The following IGF2BP2 variants were observed in gnomAD, a reference collection of about 807,000 sequenced individuals.
IGF2BP2 encodes the protein insulin-like growth factor 2 mRNA-binding protein 2.
IGF2BP2 carries 17 observed loss-of-function variants against 75.8 expected under a neutral mutation model. The ratio of observed to expected loss-of-function variants is 0.22; its 90% CI spans 0.15 to 0.34. The LOEUF is 0.34. Among genes scored for constraint, IGF2BP2 ranks in the 10% least tolerant of loss-of-function variants. The pLI is 1.00. For missense variants in IGF2BP2, 516 were observed against 772.4 expected (o/e 0.67, Z 3.93); for synonymous variants, 288 against 295.6 (o/e 0.97, Z 0.26).
Position 185,672,644 on chromosome 3 carries a change from A to T in IGF2BP2, c.1097T>A (p.Leu366Ter), listed in dbSNP as rs745603997. The T allele has an allele frequency of 1.9e-6, 3 of 1,614,154 alleles. No individual in the cohort carries two copies. In the South Asian group the frequency reaches 3.3e-5, roughly 18 times the overall value. Residue 366 changes from leucine (L) to a stop codon, truncating the protein, a stop_gained, in exon 10 of 16, where the codon TTG (leucine) becomes TAG (stop). Coordinates refer to ENST00000382199, the MANE Select transcript of IGF2BP2 (RefSeq NM_006548.6). LOFTEE classifies it high-confidence loss of function. ...AAAGATGCCAAGTGCGCTGAGGTTC[A>T]ACCCTGGGATCAGATTGGCTTGTTG... ...VNQQANLIPG[L>*]NLSALGIFST...
intron 7 of IGF2BP2, among the ~76,000 whole-genome samples, chr3:185,681,015 C>T (rs577225370): frequency 2.6e-4 from 39 of 152,286 alleles, no homozygotes; most frequent in Non-Finnish European, 5.4e-4. Context: ...AAGGCTTTTC[C>T]TCTAAGACCA....
In IGF2BP2 at chr3:185,813,723, AGT is replaced by A. The variant is rs1578397825; in HGVS notation, c.239+9428_239+9429del. On this transcript the variant is annotated intron_variant, in intron 2 of 15. Coordinates refer to ENST00000382199, the MANE Select transcript of IGF2BP2 (RefSeq NM_006548.6). ...ATGTGTCTGCTGCACATTCCAAGTA[AGT>A]GTATGCCACAGAACCCATACATTCC... Among the ~76,000 whole-genome samples the A allele has an allele frequency of 2.6e-5, 4 of 152,324 alleles. No individual in the cohort carries two copies. The East Asian group carries it at 7.7e-4, about 29-fold the overall frequency.
At chr3:185,648,829 T>C (rs949900888) in intron 14 of IGF2BP2, among the ~76,000 whole-genome samples, 2 of 152,144 alleles carry the variant, frequency 1.3e-5, no homozygotes, top group South Asian at 2.1e-4. Context: ...ACCCTCCTAC[T>C]GCTAAACTAG....
At position 185,689,470 on chromosome 3, in the gene IGF2BP2, G is replaced by C. The variant is rs752659015; in HGVS notation, c.562C>G (p.Gln188Glu). The change falls in exon 6 of 16, where the codon CAG becomes GAG. Residue 188 changes from glutamine to glutamate, a missense_variant. Transcript: ENST00000382199. ...AGCGGGAAATCAATCTGTCTGGCCT[G>C]AGAAGTGCCCCCAGGGGCGTGGCCT... is the stretch of plus-strand genomic sequence containing the variant. ...EQGHAPGGTS[Q>E]ARQIDFPLRI... 6.2e-7 allele frequency: 1 copy of C among 1,613,864 alleles called. No homozygotes were observed. Among genetic ancestry groups the C allele is most frequent in the Non-Finnish European group, 8.5e-7 (1 of 1,179,884 alleles).
rs527727203 is a variant in IGF2BP2 at position 185,707,097 on chromosome 3, C to T, written c.240-8750G>A. 7.9e-5 allele frequency among the ~76,000 whole-genome samples: 12 copies of T among 151,730 alleles called. No homozygotes were observed. In the South Asian group the frequency reaches 1.0e-3, roughly 13 times the overall value. On this transcript the variant is annotated intron_variant, in intron 2 of 15. Transcript: ENST00000382199. ...TCACTTAGTCAGATGTGGTGGCACACGCCTGTAATCCCAGTTACTCGAGAG... is the reference window on the plus strand; with the variant it reads ...TCACTTAGTCAGATGTGGTGGCACATGCCTGTAATCCCAGTTACTCGAGAG...
Position 185,699,797 on chromosome 3 carries a change from T to A in IGF2BP2, c.240-1450A>T, listed in dbSNP as rs531913721. On this transcript the variant is annotated intron_variant, in intron 2 of 15. Transcript: ENST00000382199. ...CCTGAAGTATATTTAATCCATCCCC[T>A]ACTAATGGACATTTGGGCCTTTTCA... Among the ~76,000 whole-genome samples, 3 of 152,334 alleles carry A rather than the reference T, an allele frequency of 2.0e-5. No homozygotes were observed. In the East Asian group the frequency reaches 5.8e-4, roughly 29 times the overall value.
chr3:185,721,012 C>T (rs895844691), intron 2 of IGF2BP2, among the ~76,000 whole-genome samples: 2 of 152,170 alleles, frequency 1.3e-5, no homozygotes, highest in Non-Finnish European at 2.9e-5. Flanking sequence ...CACACGCTTG[C>T]ACACATGTGA....
chr3:185,773,474 T>C (rs1257646914), intron 2 of IGF2BP2, among the ~76,000 whole-genome samples: 2 of 152,236 alleles, frequency 1.3e-5, no homozygotes, highest in Non-Finnish European at 2.9e-5. Context: ...GAATAGATAA[T>C]TTTTAGAAGT....
chr3:185,733,484 C>T (rs1728450652), intron 2 of IGF2BP2, among the ~76,000 whole-genome samples: 3 of 152,178 alleles, frequency 2.0e-5, no homozygotes, highest in Admixed American at 6.5e-5. Context: ...AGACTGGGCG[C>T]GGTGGCTCAC....
chr3:185,758,667 G>A (rs958473747), intron 2 of IGF2BP2, among the ~76,000 whole-genome samples: 1 of 152,176 alleles, frequency 6.6e-6, no homozygotes, highest in African/African-American at 2.4e-5. Context: ...GACCTTTCGG[G>A]AGAGAGAAAA....
At chr3:185,811,861 T>A (rs1029175271) in intron 2 of IGF2BP2, among the ~76,000 whole-genome samples, 2 of 135,534 alleles carry the variant, frequency 1.5e-5, no homozygotes, top group East Asian at 4.0e-4. Flanking sequence ...TCTCTCTCTC[T>A]CTCTCTCTCT....
intron 2 of IGF2BP2, among the ~76,000 whole-genome samples, chr3:185,718,495 G>A (rs1476893882): frequency 6.6e-6 from 1 of 151,934 alleles, no homozygotes; most frequent in Non-Finnish European, 1.5e-5. Flanking sequence ...AGACCATCGT[G>A]GCTAACATAG....
At chr3:185,725,503 A>C (rs1442758439) in intron 2 of IGF2BP2, among the ~76,000 whole-genome samples, 1 of 152,132 alleles carries the variant, frequency 6.6e-6, no homozygotes, top group Non-Finnish European at 1.5e-5. Flanking sequence ...TTCAAATGAC[A>C]CCAAGGTTTG....
At chr3:185,734,905 C>A (rs1488396904) in intron 2 of IGF2BP2, among the ~76,000 whole-genome samples, 1 of 152,134 alleles carries the variant, frequency 6.6e-6, no homozygotes, top group Non-Finnish European at 1.5e-5. Flanking sequence ...CTCCGACGTG[C>A]CTCAATCTCC....
At chr3:185,762,599 A>G (rs1245651666) in intron 2 of IGF2BP2, among the ~76,000 whole-genome samples, 1 of 151,880 alleles carries the variant, frequency 6.6e-6, no homozygotes, top group Admixed American at 6.6e-5. Flanking sequence ...TGTTTGAGAG[A>G]CAGTGTGTTT....
chr3:185,776,954 T>TA (rs1201410350), intron 2 of IGF2BP2, among the ~76,000 whole-genome samples: 1 of 151,998 alleles, frequency 6.6e-6, no homozygotes, highest in Non-Finnish European at 1.5e-5. Flanking sequence ...AATAGGAAAT[T>TA]AGATTAGGAG....
intron 13 of IGF2BP2, among the ~76,000 whole-genome samples, chr3:185,651,518 G>C (rs544880319): frequency 2.6e-5 from 4 of 152,202 alleles, no homozygotes; most frequent in African/African-American, 9.6e-5. Context: ...CCTGGCTGAG[G>C]CTATTGCTTT....
chr3:185,675,246 T>A, intron 9 of IGF2BP2, 50 bp downstream of exon 9: 2 of 1,577,520 alleles, frequency 1.3e-6, no homozygotes, highest in Non-Finnish European at 1.7e-6. Flanking sequence ...GAATGGCAAG[T>A]ATTTTTAGCC....
chr3:185,752,260 AG>A (rs1263230433), intron 2 of IGF2BP2, among the ~76,000 whole-genome samples: 2 of 152,208 alleles, frequency 1.3e-5, no homozygotes, highest in Non-Finnish European at 2.9e-5. Context: ...CTCCATCACT[AG>A]GCCATGTGCA....
Sources: gnomAD v4.1 joint callset for allele counts (sites outside exome capture counted in the v4.1 genomes callset) on GRCh38, gnomAD v4.1.1 for gene constraint, MANE v1.5 for transcripts, NCBI Gene and HGNC (gene_info 2026-07-23, HGNC 2026-07-21) for gene names.